SLC12A7: variants seen among roughly 807,000 people sequenced by gnomAD.
SLC12A7 encodes solute carrier family 12 member 7, also known as K-Cl cotransporter 4.
In SLC12A7, 100 loss-of-function variants were observed where a neutral mutation model predicts 120.6. The ratio of observed to expected loss-of-function variants is 0.83; its 90% CI spans 0.71 to 0.98. The LOEUF is 0.98. Among genes scored for constraint, SLC12A7 ranks in the 50% least tolerant of loss-of-function variants. The pLI is 0.00. For missense variants in SLC12A7, 1,373 were observed against 1,548.1 expected, an observed-to-expected ratio of 0.89 and a Z score of 1.90; for synonymous variants, 760 against 678.0, an observed-to-expected ratio of 1.12 and a Z score of -1.88.
rs185224931 is a variant in SLC12A7 at position 1,064,967 on chromosome 5, G to A, written c.2437+316C>T. On this transcript the variant is annotated intron_variant, in intron 18 of 23. Transcript: ENST00000264930. ...GACGGCGAAGAGATGGTGAGGGGAC[G>A]GTTAGGGGACAGCGAGGGGATGGCA... 7.4e-3 allele frequency among the ~76,000 whole-genome samples: 283 copies of A among 38,164 alleles called. 1 individual carries two copies. The highest frequency in any genetic ancestry group is 0.022 in the Admixed American group (72 of 3,230). 25.0% of individuals were successfully genotyped at this position (38,164 alleles called of 152,430 possible). A position where few individuals can be genotyped will look rare whatever the true frequency, so the allele number is the denominator to read the frequency against.
intron 14 of SLC12A7, 48 bp downstream of exon 14, chr5:1,076,090 A>G: frequency 6.7e-7 from 1 of 1,499,452 alleles, no homozygotes; most frequent in Non-Finnish European, 9.1e-7. Context: ...AGAGGCACCC[A>G]GTGTCCCAGC....
chr5:1,091,123 G>T (rs1251954710), intron 3 of SLC12A7, among the ~76,000 whole-genome samples: 3 of 152,246 alleles, frequency 2.0e-5, no homozygotes, highest in African/African-American at 7.2e-5. Context: ...TCAGCCTGGG[G>T]TACCTGCATA....
the SLC12A7 span, among the ~76,000 whole-genome samples, chr5:1,154,749 C>T: frequency 6.6e-6 from 1 of 151,246 alleles, no homozygotes; most frequent in African/African-American, 2.4e-5. Context: ...CTGGGTCCCC[C>T]AGGGCCCGTC....
rs373871241 is a variant in SLC12A7 at position 1,108,263 on chromosome 5, A to C, written c.124+3605T>G. Among the ~76,000 whole-genome samples the C allele has an allele frequency of 3.9e-5, 6 of 152,364 alleles. No individual in the cohort carries two copies. The East Asian group carries it at 7.7e-4, about 20-fold the overall frequency. On this transcript the variant is annotated intron_variant, in intron 1 of 23. Coordinates refer to ENST00000264930, the MANE Select transcript of SLC12A7 (RefSeq NM_006598.3). ...CTGCTAAGGAGAGCCTCTTGCCGGG[A>C]GACAGCCTGGGAGTATGTCAGGCGC...
Position 1,112,040 on chromosome 5 carries a change from C to T in SLC12A7, c.-49G>A. 8.2e-7 allele frequency: 1 copy of T among 1,217,166 alleles called. No individual in the cohort carries two copies. The highest frequency in any genetic ancestry group is 1.0e-6 in the Non-Finnish European group (1 of 977,398). 75.4% of individuals were successfully genotyped at this position (1,217,166 alleles called of 1,614,324 possible). ...CGTCCCGGCCCGGCCCGCGCTGCGC[C>T]GCTCCCGCCGACGCCACGGGACTTG... is the stretch of plus-strand genomic sequence containing the variant. On this transcript the variant is annotated 5_prime_UTR_variant, in exon 1 of 24. Coordinates refer to ENST00000264930, the MANE Select transcript of SLC12A7 (RefSeq NM_006598.3).
chr5:1,105,701 C>T (rs1026391850), intron 1 of SLC12A7, among the ~76,000 whole-genome samples: 1 of 152,250 alleles, frequency 6.6e-6, no homozygotes, highest in Non-Finnish European at 1.5e-5. Context: ...ACCCTTTGTG[C>T]TCTGCCCTTG....
chr5:1,099,023 C>T (rs1030720487), intron 1 of SLC12A7, among the ~76,000 whole-genome samples: 1 of 152,044 alleles, frequency 6.6e-6, no homozygotes, highest in Non-Finnish European at 1.5e-5. Context: ...CCTGGGCGTG[C>T]GGTGCAGGAA....
At chr5:1,088,472 C>A in intron 4 of SLC12A7, 112 bp from the exon 5 acceptor site, 1 of 1,097,698 alleles carries the variant, frequency 9.1e-7, no homozygotes, top group South Asian at 1.4e-5. Context: ...CAGCCCCCAA[C>A]TCCAGGGCTC....
intron 17 of SLC12A7, among the ~76,000 whole-genome samples, chr5:1,066,743 G>A (rs1032045898): frequency 1.3e-5 from 2 of 152,212 alleles, no homozygotes; most frequent in Non-Finnish European, 2.9e-5. Context: ...AAGAGACTGC[G>A]TGGAGGCACA....
At chr5:1,149,902 C>T in the SLC12A7 span, among the ~76,000 whole-genome samples, 1 of 151,938 alleles carries the variant, frequency 6.6e-6, no homozygotes, top group Admixed American at 6.6e-5. Flanking sequence ...TGGTGGTGCA[C>T]GCCTGCAATT....
At chr5:1,057,362 G>A (rs897236362) in intron 22 of SLC12A7, 109 bp downstream of exon 22, 2 of 1,192,602 alleles carry the variant, frequency 1.7e-6, no homozygotes, top group African/African-American at 1.5e-5. Flanking sequence ...CCACTGGCCT[G>A]CAGGGTTGCC....
chr5:1,083,657 A>G, intron 8 of SLC12A7, 88 bp downstream of exon 8: 2 of 1,365,550 alleles, frequency 1.5e-6, no homozygotes. Context: ...GGGCCCTGAG[A>G]GTGACTCTAA....
chr5:1,116,850 G>A (rs1443714026), upstream of SLC12A7, among the ~76,000 whole-genome samples: 4 of 152,106 alleles, frequency 2.6e-5, no homozygotes, highest in East Asian at 7.7e-4. Context: ...TGAAGCTTGG[G>A]CAAATGTTTG....
upstream of SLC12A7, among the ~76,000 whole-genome samples, chr5:1,112,353 C>T (rs1317303527): frequency 4.4e-5 from 2 of 44,980 alleles, no homozygotes; most frequent in Admixed American, 3.5e-4. Context: ...CCTCCCCGGC[C>T]CCCTCCCCGC....
the SLC12A7 span, among the ~76,000 whole-genome samples, chr5:1,147,773 T>C: frequency 2.0e-5 from 3 of 152,190 alleles, no homozygotes; most frequent in African/African-American, 7.2e-5. Context: ...AGACAGGGTC[T>C]CACTCTGTCA....
Position 1,052,213 on chromosome 5 carries a change from A to G in SLC12A7, c.*147T>C, listed in dbSNP as rs2150769805. ...AGAGCCCTAGGTGACGGGCCTAGAA[A>G]CTTCCGTAGGAAGCCCCATGGGCAG... On this transcript the variant is annotated 3_prime_UTR_variant, in exon 24 of 24. Transcript: ENST00000264930. The G allele has an allele frequency of 4.3e-6, 3 of 696,096 alleles. No homozygotes were observed. In the East Asian group the frequency reaches 7.6e-5, roughly 18 times the overall value. The allele number at this position is 696,096 out of a possible 1,614,324, so 43.1% of individuals were successfully genotyped here. A position where few individuals can be genotyped will look rare whatever the true frequency, so the allele number is the denominator to read the frequency against.
At chr5:1,102,551 G>A (rs539968204) in intron 1 of SLC12A7, among the ~76,000 whole-genome samples, 19 of 152,312 alleles carry the variant, frequency 1.2e-4, no homozygotes, top group Admixed American at 1.2e-3. Flanking sequence ...AGCCAGGTCC[G>A]ACAGCCTCCG....
the SLC12A7 span, among the ~76,000 whole-genome samples, chr5:1,155,412 C>A: frequency 6.6e-6 from 1 of 152,154 alleles, no homozygotes; most frequent in Non-Finnish European, 1.5e-5. Flanking sequence ...GAGGGCGCCC[C>A]GGGAGCTGTC....
At chr5:1,123,182 G>A in the SLC12A7 span, among the ~76,000 whole-genome samples, 3,533 of 152,320 alleles carry the variant, frequency 0.023, 152 homozygotes, top group African/African-American at 0.081. Context: ...ATAAGGTCTC[G>A]GGTGGCCTGT....
Sources: gnomAD v4.1 joint callset for allele counts (sites outside exome capture counted in the v4.1 genomes callset) on GRCh38, gnomAD v4.1.1 for gene constraint, MANE v1.5 for transcripts, NCBI Gene and HGNC (gene_info 2026-07-23, HGNC 2026-07-21) for gene names.